Variants in SORL1 observed in about 807,000 individuals in gnomAD.
SORL1 encodes sortilin related receptor 1.
A neutral mutation model predicts 273.7 loss-of-function variants in SORL1; 127 were observed. That is an observed-to-expected ratio of 0.46 (90% CI 0.40 to 0.54). The LOEUF (loss-of-function observed/expected upper bound fraction) is 0.54, where lower values mean the gene tolerates loss of function less well. Among genes scored for constraint, SORL1 ranks in the 20% least tolerant of loss-of-function variants. SORL1 has a pLI of 0.00. For synonymous variants in SORL1, 1,031 were observed against 1,067.4 expected, an observed-to-expected ratio of 0.97 and a Z score of 0.66; for missense variants, 2,494 against 2,846.1, an observed-to-expected ratio of 0.88 and a Z score of 2.81.
chr11:121,613,039 C>T (rs1863589658), intron 40 of SORL1, among the ~76,000 whole-genome samples: 1 of 152,182 alleles, frequency 6.6e-6, no homozygotes, highest in African/African-American at 2.4e-5. Flanking sequence ...CCCCTCGAGC[C>T]CTCCTCCAAC....
intron 28 of SORL1, 65 bp downstream of exon 28, chr11:121,588,216 A>C: frequency 6.3e-7 from 1 of 1,583,912 alleles, no homozygotes; most frequent in Non-Finnish European, 8.6e-7. Flanking sequence ...GGGTTTGGCC[A>C]CCCTGGGGTT....
intron 11 of SORL1, among the ~76,000 whole-genome samples, chr11:121,524,938 T>C (rs1179642576): frequency 2.6e-5 from 4 of 152,182 alleles, no homozygotes; most frequent in South Asian, 2.1e-4. Context: ...AAATAATTTT[T>C]ATTTCTTTTA....
chr11:121,485,272 G>A (rs1344483608), intron 3 of SORL1, among the ~76,000 whole-genome samples: 1 of 152,180 alleles, frequency 6.6e-6, no homozygotes, highest in African/African-American at 2.4e-5. Context: ...ACACAAATGA[G>A]TTAAATGGTA....
At position 121,619,878 on chromosome 11, in the gene SORL1, C is replaced by G; in HGVS notation, c.5850C>G (p.Ile1950Met). ...ATACGGGCAAAACCTCCGTGGTCAT[C>G]AAGTGGGAATCACCGTATGACTCTC... ...VVHTGKTSVV[I>M]KWESPYDSPD... The change falls in exon 43 of 48, where the codon ATC becomes ATG. Residue 1950 changes from isoleucine to methionine, a missense_variant. Coordinates refer to ENST00000260197, the MANE Select transcript of SORL1 (RefSeq NM_003105.6). The G allele has an allele frequency of 6.2e-7, 1 of 1,613,892 alleles. No individual in the cohort carries two copies. The highest frequency in any genetic ancestry group is 8.5e-7 in the Non-Finnish European group (1 of 1,179,894).
intron 11 of SORL1, among the ~76,000 whole-genome samples, chr11:121,528,588 C>T (rs1862157615): frequency 6.6e-6 from 1 of 152,196 alleles, no homozygotes; most frequent in Admixed American, 6.5e-5. Flanking sequence ...AGAACATTTT[C>T]ATCAATCCAT....
chr11:121,622,136 C>T (rs1319192873), intron 44 of SORL1, 26 bp from the exon 45 acceptor site: 5 of 1,249,858 alleles, frequency 4.0e-6, no homozygotes, highest in Non-Finnish European at 5.9e-6. Context: ...CCACTAACCG[C>T]ATCCCATCTC....
chr11:121,501,939 T>C (rs1240758854), intron 6 of SORL1, among the ~76,000 whole-genome samples: 1 of 152,184 alleles, frequency 6.6e-6, no homozygotes, highest in Admixed American at 6.5e-5. Context: ...CTGACTAGTA[T>C]TGTAATGAAT....
At chr11:121,573,229 T>C (rs1862874074) in intron 23 of SORL1, among the ~76,000 whole-genome samples, 1 of 152,214 alleles carries the variant, frequency 6.6e-6, no homozygotes, top group Non-Finnish European at 1.5e-5. Flanking sequence ...TAGGCTCTGG[T>C]TCCAAACTTG....
chr11:121,583,717 C>T (rs1207194549), intron 26 of SORL1, 134 bp downstream of exon 26: 7 of 888,314 alleles, frequency 7.9e-6, no homozygotes, highest in South Asian at 2.1e-5. Flanking sequence ...CAAATAAGCC[C>T]ATCTACTTTC....
intron 32 of SORL1, among the ~76,000 whole-genome samples, chr11:121,603,631 A>G (rs1336373719): frequency 6.6e-6 from 1 of 152,220 alleles, no homozygotes; most frequent in East Asian, 1.9e-4. Context: ...TGAAAAGCCA[A>G]ACAACTTTAA....
chr11:121,584,972 T>C (rs1441678218), intron 26 of SORL1, among the ~76,000 whole-genome samples: 1 of 152,200 alleles, frequency 6.6e-6, no homozygotes, highest in African/African-American at 2.4e-5. Flanking sequence ...AAGATTCTGA[T>C]CAAGATACCT....
chr11:121,542,749 G>C (rs868079402), intron 12 of SORL1, among the ~76,000 whole-genome samples: 1 of 151,582 alleles, frequency 6.6e-6, no homozygotes, highest in Non-Finnish European at 1.5e-5. Context: ...TCACCGAATG[G>C]TTTTAGCATC....
chr11:121,471,517 C>T (rs563269481), intron 2 of SORL1, among the ~76,000 whole-genome samples: 6 of 152,324 alleles, frequency 3.9e-5, no homozygotes, highest in East Asian at 3.9e-4. Flanking sequence ...ACTGTGGCAG[C>T]GCGAGGCTGC....
chr11:121,532,530 G>C lies in SORL1; in HGVS notation c.1663G>C (p.Gly555Arg). 6.2e-7 allele frequency: 1 copy of C among 1,614,012 alleles called. No homozygotes were observed. Among genetic ancestry groups the C allele is most frequent in the Non-Finnish European group, 8.5e-7 (1 of 1,179,962 alleles). ...HGGIITAIAQ[G>R]METNELKYST... The stretch of plus-strand genomic sequence containing the variant: ...CGGAATCATCACGGCCATTGCCCAG[G>C]GCATGGAAACCAACGAGCTAAAGTA... The change falls in exon 12 of 48, where the codon GGC (glycine) becomes CGC (arginine). Residue 555 changes from glycine (G) to arginine (R), a missense_variant. Gly to Arg is a moderately radical substitution (Grantham distance 125). Coordinates refer to ENST00000260197, the MANE Select transcript of SORL1 (RefSeq NM_003105.6).
chr11:121,605,339 T>TCAGA, intron 34 of SORL1, 63 bp from the exon 35 acceptor site: 1 of 1,578,140 alleles, frequency 6.3e-7, no homozygotes, highest in Admixed American at 1.7e-5. Context: ...ATTAACGGAG[T>TCAGA]CAGACATCTC....
At chr11:121,475,432 G>A (rs2134789059) in intron 2 of SORL1, among the ~76,000 whole-genome samples, 1 of 152,304 alleles carries the variant, frequency 6.6e-6, no homozygotes, top group Non-Finnish European at 1.5e-5. Context: ...TTAAGTAGAA[G>A]ACCCAAAGAG....
chr11:121,584,805 G>T (rs1168068069), intron 26 of SORL1, among the ~76,000 whole-genome samples: 1 of 152,096 alleles, frequency 6.6e-6, no homozygotes, highest in Non-Finnish European at 1.5e-5. Flanking sequence ...TGTGGCTCAG[G>T]CTGGTCTCAA....
At chr11:121,558,325 CATT>C (rs2134908902) in intron 19 of SORL1, among the ~76,000 whole-genome samples, 1 of 152,216 alleles carries the variant, frequency 6.6e-6, no homozygotes, top group East Asian at 1.9e-4. Flanking sequence ...TGCTGATTAA[CATT>C]TAGTTTAATA....
intron 16 of SORL1, among the ~76,000 whole-genome samples, chr11:121,552,880 A>C (rs931688779): frequency 6.6e-6 from 1 of 152,216 alleles, no homozygotes; most frequent in South Asian, 2.1e-4. Flanking sequence ...CACACTGTCA[A>C]GATGCACACT....
Sources: gnomAD v4.1 joint callset for allele counts (sites outside exome capture counted in the v4.1 genomes callset) on GRCh38, gnomAD v4.1.1 for gene constraint, MANE v1.5 for transcripts, NCBI Gene and HGNC (gene_info 2026-07-23, HGNC 2026-07-21) for gene names.